The following MAPK10 variants were observed in gnomAD, a reference collection of about 807,000 sequenced individuals.
MAPK10 encodes JNK3 alpha protein kinase.
MAPK10 carries 25 observed loss-of-function variants against 59.3 expected under a neutral mutation model. The ratio of observed to expected loss-of-function variants is 0.42; its 90% CI spans 0.31 to 0.59. MAPK10 has a LOEUF of 0.59. MAPK10 is among the 20% of genes least tolerant of loss of function. MAPK10 has a pLI of 0.15. For synonymous variants in MAPK10, 190 were observed against 200.5 expected, an observed-to-expected ratio of 0.95 and a Z score of 0.44; for missense variants, 351 against 568.9, an observed-to-expected ratio of 0.62 and a Z score of 3.90.
At chr4:86,202,426 A>C (rs546621069) in intron 2 of MAPK10, among the ~76,000 whole-genome samples, 1 of 152,052 alleles carries the variant, frequency 6.6e-6, no homozygotes, top group Admixed American at 6.6e-5. Flanking sequence ...ATGTTTTATT[A>C]ATCTTCACAA....
chr4:86,568,104 G>C (rs891868080), intron 1 of MAPK10, among the ~76,000 whole-genome samples: 2 of 152,030 alleles, frequency 1.3e-5, no homozygotes, highest in Non-Finnish European at 2.9e-5. Context: ...AAAGGTACAG[G>C]ATACAAAATC....
At position 86,050,006 on chromosome 4, in the gene MAPK10, T is replaced by C. The variant is rs530186536; in HGVS notation, c.1110+14260A>G. ...ACATTTCCAGCTGCATTTCTCACCA[T>C]TCCCTTCCCTGCTCACAGTGAATTA... On this transcript the variant is annotated intron_variant, in intron 11 of 13. Transcript: ENST00000641462. Among the ~76,000 whole-genome samples, 6 of 152,218 alleles carry C rather than the reference T, an allele frequency of 3.9e-5. No homozygotes were observed. The South Asian group carries it at 1.2e-3, about 32-fold the overall frequency.
At position 86,127,207 on chromosome 4, in the gene MAPK10, A is replaced by T. The variant is rs1335209139; in HGVS notation, c.237-19855T>A. Reference sequence around the variant, plus strand: ...AGGAGAATTAAGTTAGCTTAATTAAAAAAAAAAAAAAAAAGCATCCTACTA... The same window carrying T: ...AGGAGAATTAAGTTAGCTTAATTAATAAAAAAAAAAAAAAGCATCCTACTA... On this transcript the variant is annotated intron_variant, in intron 4 of 13. Coordinates refer to ENST00000641462, the MANE Select transcript of MAPK10 (RefSeq NM_138982.4). 3.0e-4 allele frequency among the ~76,000 whole-genome samples: 28 copies of T among 93,994 alleles called. 1 individual carries two copies. The highest frequency in any genetic ancestry group is 1.0e-3 in the Admixed American group (9 of 8,842). 61.7% of individuals were successfully genotyped at this position (93,994 alleles called of 152,430 possible). A position where few individuals can be genotyped will look rare whatever the true frequency, so the allele number is the denominator to read the frequency against.
chr4:86,205,724 T>C (rs544694502), intron 2 of MAPK10, among the ~76,000 whole-genome samples: 3 of 152,004 alleles, frequency 2.0e-5, no homozygotes, highest in Admixed American at 2.0e-4. Flanking sequence ...CTTGTCATAT[T>C]CAGTAGATAG....
intron 2 of MAPK10, among the ~76,000 whole-genome samples, chr4:86,217,838 A>G (rs2088178512): frequency 6.6e-6 from 1 of 152,118 alleles, no homozygotes; most frequent in South Asian, 2.1e-4. Flanking sequence ...TAGATCAGTA[A>G]ATAACAGTTC....
chr4:86,025,260 AACCAGTCC>A, intron 13 of MAPK10: 2 of 365,882 alleles, frequency 5.5e-6, no homozygotes, highest in Non-Finnish European at 9.7e-6. Context: ...GTTAAATGTT[AACCAGTCC>A]ACCACTATTA....
intron 1 of MAPK10, among the ~76,000 whole-genome samples, chr4:86,511,359 C>A (rs770198064): frequency 1.8e-4 from 27 of 151,556 alleles, no homozygotes; most frequent in Non-Finnish European, 3.4e-4. Context: ...GAGTTCGAGA[C>A]CAGCCTGTGC....
Position 86,035,546 on chromosome 4 carries a change from A to G in MAPK10, c.1111-4115T>C, listed in dbSNP as rs372184618. On this transcript the variant is annotated intron_variant, in intron 11 of 13. Coordinates refer to ENST00000641462, the MANE Select transcript of MAPK10 (RefSeq NM_138982.4). ...GGGAGCCATTGCACGATCTATAAAA[A>G]AATATTGAAAGTTCTGACTGCGGTT... Among the ~76,000 whole-genome samples, 6 of 152,096 alleles carry G rather than the reference A, an allele frequency of 3.9e-5. No individual in the cohort carries two copies. The East Asian group carries it at 1.2e-3, about 29-fold the overall frequency.
At chr4:86,456,667 A>C (rs1751257554), upstream of MAPK10, among the ~76,000 whole-genome samples, 1 of 152,192 alleles carries the variant, frequency 6.6e-6, no homozygotes, top group East Asian at 1.9e-4. Flanking sequence ...GGTAATAAAA[A>C]AATTACCAAC....
chr4:86,206,366 G>A (rs1453521260), intron 2 of MAPK10, among the ~76,000 whole-genome samples: 1 of 151,782 alleles, frequency 6.6e-6, no homozygotes, highest in Non-Finnish European at 1.5e-5. Context: ...CCCTACAAAG[G>A]ACATGAACTC....
At chr4:86,123,347 T>G (rs538726756) in intron 4 of MAPK10, among the ~76,000 whole-genome samples, 1 of 152,280 alleles carries the variant, frequency 6.6e-6, no homozygotes, top group South Asian at 2.1e-4. Context: ...TGAATAATGC[T>G]GCAATGAATA....
At chr4:86,459,904 T>A (rs1751580078) in intron 1 of MAPK10, among the ~76,000 whole-genome samples, 3 of 151,860 alleles carry the variant, frequency 2.0e-5, no homozygotes, top group East Asian at 3.9e-4. Flanking sequence ...TGTTCCCCAA[T>A]AACTTATGGA....
At chr4:86,175,441 G>T (rs2149269651) in intron 3 of MAPK10, among the ~76,000 whole-genome samples, 1 of 152,248 alleles carries the variant, frequency 6.6e-6, no homozygotes, top group South Asian at 2.1e-4. Context: ...GTAATCCCCA[G>T]TGTTGGAGGT....
intron 1 of MAPK10, among the ~76,000 whole-genome samples, chr4:86,445,714 C>T (rs955838302): frequency 3.3e-5 from 5 of 151,718 alleles, no homozygotes; most frequent in African/African-American, 1.2e-4. Flanking sequence ...CAAGAAAAGA[C>T]GAGGGTTAAA....
At chr4:86,101,430 T>G in intron 7 of MAPK10, 2 of 496,010 alleles carry the variant, frequency 4.0e-6, no homozygotes, top group Admixed American at 3.3e-5. Context: ...TATTATCATT[T>G]TCACAATTTA....
chr4:86,424,535 A>G (rs527501160), intron 1 of MAPK10, among the ~76,000 whole-genome samples: 3 of 152,082 alleles, frequency 2.0e-5, no homozygotes, highest in Non-Finnish European at 4.4e-5. Context: ...ATTTGACTCA[A>G]CTTAGGTTCT....
chr4:86,197,236 G>T (rs1323815569), intron 2 of MAPK10, among the ~76,000 whole-genome samples: 2 of 151,972 alleles, frequency 1.3e-5, no homozygotes, highest in African/African-American at 4.8e-5. Flanking sequence ...TTATTTCCTT[G>T]AGCAGTGGCT....
intron 1 of MAPK10, among the ~76,000 whole-genome samples, chr4:86,372,932 A>G (rs919584427): frequency 1.3e-5 from 2 of 152,348 alleles, no homozygotes; most frequent in Admixed American, 1.3e-4. Flanking sequence ...TGGAACCAAA[A>G]AAGAGTTCAT....
intron 1 of MAPK10, among the ~76,000 whole-genome samples, chr4:86,540,862 C>G (rs542932123): frequency 1.2e-4 from 18 of 151,432 alleles, no homozygotes; most frequent in Non-Finnish European, 1.6e-4. Flanking sequence ...CAGCACTTTG[C>G]GAGGCTGAGG....
Sources: allele counts gnomAD v4.1 joint callset (sites outside exome capture counted in the v4.1 genomes callset), GRCh38; gene constraint gnomAD v4.1.1; transcripts MANE v1.5; gene names NCBI Gene and HGNC (gene_info 2026-07-23, HGNC 2026-07-21).